Variants in ABLIM1 observed in about 807,000 individuals in gnomAD.
ABLIM1 encodes the protein actin binding LIM protein 1, also known as actin-binding LIM protein 1.
ABLIM1 carries 40 observed loss-of-function variants against 107.0 expected under a neutral mutation model. The observed-to-expected ratio is 0.37, with a 90% CI of 0.29 to 0.49. The LOEUF (loss-of-function observed/expected upper bound fraction) is 0.49. Among genes scored for constraint, ABLIM1 ranks in the 20% least tolerant of loss-of-function variants. The pLI, the probability that ABLIM1 is intolerant of heterozygous loss-of-function variation, is 0.97. For missense variants in ABLIM1, 857 were observed against 1,008.5 expected, an observed-to-expected ratio of 0.85 and a Z score of 2.04; for synonymous variants, 357 against 357.3, an observed-to-expected ratio of 1.00 and a Z score of 0.01.
At chr10:114,496,058 C>T (rs1232359723) in intron 6 of ABLIM1, among the ~76,000 whole-genome samples, 1 of 152,172 alleles carries the variant, frequency 6.6e-6, no homozygotes, top group South Asian at 2.1e-4. Context: ...CAGAGACAGT[C>T]CCAAGGTCAT....
chr10:114,654,586 A>G (rs1330446554), intron 1 of ABLIM1, among the ~76,000 whole-genome samples: 1 of 152,142 alleles, frequency 6.6e-6, no homozygotes, highest in African/African-American at 2.4e-5. Context: ...AGCTGGTACT[A>G]TAGGCCCACA....
intron 12 of ABLIM1, 138 bp downstream of exon 12, chr10:114,465,560 T>C (rs758631253): frequency 3.9e-4 from 393 of 1,002,068 alleles, no homozygotes; most frequent in Non-Finnish European, 5.3e-4. Context: ...TATAGTTGGA[T>C]ACCAGTTTTC....
chr10:114,768,107 T>A, upstream of ABLIM1: 1 of 422,810 alleles, frequency 2.4e-6, no homozygotes, highest in South Asian at 1.6e-5. Flanking sequence ...CTGGAAGGCG[T>A]TGGACAGCCC....
At chr10:114,641,594 G>A (rs2078757164) in intron 1 of ABLIM1, among the ~76,000 whole-genome samples, 3 of 152,216 alleles carry the variant, frequency 2.0e-5, no homozygotes, top group Admixed American at 6.5e-5. Flanking sequence ...GGGAGAAGCT[G>A]TGGTTTTAAG....
intron 1 of ABLIM1, among the ~76,000 whole-genome samples, chr10:114,691,706 G>A (rs900216410): frequency 6.6e-6 from 1 of 152,050 alleles, no homozygotes; most frequent in African/African-American, 2.4e-5. Context: ...TGAAGCATTG[G>A]GTTAAATCAT....
intron 6 of ABLIM1, among the ~76,000 whole-genome samples, chr10:114,536,765 A>T (rs1051483555): frequency 1.3e-5 from 2 of 152,218 alleles, no homozygotes; most frequent in African/African-American, 4.8e-5. Context: ...CCTGTTTCAC[A>T]GGGCCTTCCT....
At chr10:114,758,926 T>C (rs2082686804) in intron 1 of ABLIM1, among the ~76,000 whole-genome samples, 1 of 152,166 alleles carries the variant, frequency 6.6e-6, no homozygotes, top group Admixed American at 6.6e-5. Flanking sequence ...GAACACACCA[T>C]ACAGAAGAAA....
chr10:114,745,056 C>T (rs1485336869), intron 1 of ABLIM1, among the ~76,000 whole-genome samples: 1 of 152,146 alleles, frequency 6.6e-6, no homozygotes, highest in Non-Finnish European at 1.5e-5. Flanking sequence ...CTCTCTCTCT[C>T]CTTCAGTCTC....
intron 1 of ABLIM1, among the ~76,000 whole-genome samples, chr10:114,754,448 C>T (rs1345636342): frequency 3.9e-5 from 6 of 152,356 alleles, no homozygotes; most frequent in East Asian, 3.9e-4. Context: ...GCAGTCTAGA[C>T]GTGGCTGGGG....
chr10:114,797,878 G>A, the ABLIM1 span, among the ~76,000 whole-genome samples: 1 of 152,120 alleles, frequency 6.6e-6, no homozygotes, highest in Admixed American at 6.6e-5. Flanking sequence ...GTATTATGAA[G>A]TTATCTTATC....
chr10:114,751,995 G>A (rs562132324), intron 1 of ABLIM1, among the ~76,000 whole-genome samples: 1 of 152,256 alleles, frequency 6.6e-6, no homozygotes, highest in South Asian at 2.1e-4. Context: ...GAATTAGGAT[G>A]GAGCCAGCAC....
At chr10:114,527,812 G>A (rs572277835) in intron 6 of ABLIM1, among the ~76,000 whole-genome samples, 2 of 151,324 alleles carry the variant, frequency 1.3e-5, no homozygotes, top group South Asian at 4.2e-4. Flanking sequence ...TTACAGGTGT[G>A]AGCCACCATG....
At chr10:114,694,580 G>A (rs2081156444) in intron 1 of ABLIM1, among the ~76,000 whole-genome samples, 1 of 152,116 alleles carries the variant, frequency 6.6e-6, no homozygotes, top group Non-Finnish European at 1.5e-5. Flanking sequence ...CCTGTAAGAT[G>A]GGGATAATTA....
chr10:114,635,671 G>A (rs895098740), intron 1 of ABLIM1, among the ~76,000 whole-genome samples: 6 of 152,162 alleles, frequency 3.9e-5, no homozygotes, highest in Non-Finnish European at 5.9e-5. Context: ...ATTGCAGTGC[G>A]CCACCACGCC....
chr10:114,640,181 A>G (rs2078674219), intron 1 of ABLIM1, among the ~76,000 whole-genome samples: 1 of 152,226 alleles, frequency 6.6e-6, no homozygotes, highest in Non-Finnish European at 1.5e-5. Flanking sequence ...TTCATCAATA[A>G]GTCAAAGGTA....
At chr10:114,602,022 C>G (rs2076051618) in intron 1 of ABLIM1, 61 bp from the exon 2 acceptor site, 10 of 1,599,062 alleles carry the variant, frequency 6.3e-6, no homozygotes, top group Non-Finnish European at 7.7e-6. Context: ...AAGGGGTCAT[C>G]ATGGTATCTC....
intron 1 of ABLIM1, among the ~76,000 whole-genome samples, chr10:114,756,746 A>T (rs2082638355): frequency 6.6e-6 from 1 of 152,198 alleles, no homozygotes; most frequent in Non-Finnish European, 1.5e-5. Context: ...TCCATTTGGC[A>T]AATTCCACTT....
At chr10:114,790,311 T>C in the ABLIM1 span, among the ~76,000 whole-genome samples, 1 of 151,062 alleles carries the variant, frequency 6.6e-6, no homozygotes, top group African/African-American at 2.4e-5. Flanking sequence ...TAAGAGCAGA[T>C]TGTGATTAAT....
At chr10:114,696,964 T>A (rs2081207201) in intron 1 of ABLIM1, among the ~76,000 whole-genome samples, 1 of 152,148 alleles carries the variant, frequency 6.6e-6, no homozygotes, top group Admixed American at 6.5e-5. Flanking sequence ...TCATAACAGA[T>A]GCTGAATGGA....
Sources: allele counts gnomAD v4.1 joint callset (sites outside exome capture counted in the v4.1 genomes callset), GRCh38; gene constraint gnomAD v4.1.1; transcripts MANE v1.5; gene names NCBI Gene and HGNC (gene_info 2026-07-23, HGNC 2026-07-21).